Variants in RHOJ observed in about 807,000 individuals in gnomAD.
The protein encoded by RHOJ is rho-related GTP-binding protein RhoJ.
A neutral mutation model predicts 23.4 loss-of-function variants in RHOJ; 11 were observed. That is an observed-to-expected ratio of 0.47 (90% confidence interval 0.30 to 0.78). The LOEUF is 0.78. Among genes scored for constraint, RHOJ ranks in the 30% least tolerant of loss-of-function variants. The pLI is 0.08. For synonymous variants in RHOJ, 102 were observed against 102.7 expected (o/e 0.99, Z 0.04); for missense variants, 254 against 273.4 (o/e 0.93, Z 0.50).
chr14:63,249,307 G>A (rs1371198707), intron 1 of RHOJ, among the ~76,000 whole-genome samples: 2 of 152,142 alleles, frequency 1.3e-5, no homozygotes, highest in Non-Finnish European at 2.9e-5. Context: ...GCATAGTCTT[G>A]GGAATCTTCC....
chr14:63,252,432 C>G (rs1399532457), intron 1 of RHOJ, among the ~76,000 whole-genome samples: 1 of 152,188 alleles, frequency 6.6e-6, no homozygotes, highest in Admixed American at 6.5e-5. Context: ...GATTCAGTAT[C>G]CGGTATCATC....
Position 63,291,780 on chromosome 14 carries a change from C to T in RHOJ, c.*756C>T, listed in dbSNP as rs1256886838. 1 of 153,026 alleles carries T rather than the reference C, an allele frequency of 6.5e-6. No individual in the cohort carries two copies. The highest frequency in any genetic ancestry group is 1.5e-5 in the Non-Finnish European group (1 of 68,352). The allele number at this position is 153,026 out of a possible 1,614,324, so 9.5% of individuals were successfully genotyped here. ...TTGCCAAAGATACACTCTATAGATG[C>T]TTAGTAGTGGCCTGATTTTTTTCCA... On this transcript the variant is annotated 3_prime_UTR_variant, in exon 5 of 5. Coordinates refer to ENST00000316754, the MANE Select transcript of RHOJ (RefSeq NM_020663.5).
At chr14:63,237,318 A>G (rs1894807177) in intron 1 of RHOJ, among the ~76,000 whole-genome samples, 2 of 152,212 alleles carry the variant, frequency 1.3e-5, no homozygotes, top group South Asian at 4.1e-4. Context: ...CTGACAAAAT[A>G]TTAACCAGCT....
chr14:63,241,615 C>G (rs372851693), intron 1 of RHOJ, among the ~76,000 whole-genome samples: 2 of 152,110 alleles, frequency 1.3e-5, no homozygotes, highest in African/African-American at 4.8e-5. Context: ...ATCCAGTTAA[C>G]TTTGCAGAGC....
At chr14:63,261,301 A>G (rs1239046498) in intron 1 of RHOJ, among the ~76,000 whole-genome samples, 2 of 152,036 alleles carry the variant, frequency 1.3e-5, no homozygotes, top group African/African-American at 4.8e-5. Flanking sequence ...TTTGACCCTC[A>G]TATATTGTAA....
intron 3 of RHOJ, among the ~76,000 whole-genome samples, chr14:63,282,682 GAAA>G (rs199732507): frequency 2.7e-5 from 2 of 73,124 alleles, no homozygotes; most frequent in African/African-American, 3.8e-5. Context: ...TTGGAAAAGC[GAAA>G]AAAAAAAAAA....
intron 1 of RHOJ, among the ~76,000 whole-genome samples, chr14:63,258,506 A>G (rs540141736): frequency 7.6e-4 from 116 of 152,180 alleles, no homozygotes; most frequent in Non-Finnish European, 1.2e-4. Flanking sequence ...AAGAAAAAGT[A>G]TTAAATTATA....
intron 4 of RHOJ, 138 bp downstream of exon 4, chr14:63,283,354 C>A: frequency 2.8e-6 from 2 of 721,632 alleles, no homozygotes; most frequent in East Asian, 2.7e-5. Flanking sequence ...TTCTATTCTC[C>A]CCCTCTGTTC....
At chr14:63,290,261 T>C (rs1225917039) in intron 4 of RHOJ, among the ~76,000 whole-genome samples, 1 of 152,146 alleles carries the variant, frequency 6.6e-6, no homozygotes, top group African/African-American at 2.4e-5. Context: ...AAATAAAGTA[T>C]GTTAAAACTA....
At position 63,288,088 on chromosome 14, in the gene RHOJ, C is replaced by T. The variant is rs928522025; in HGVS notation, c.499-2790C>T. Reference sequence around the variant, plus strand: ...TTTCTCACACGTGTTTCCCAAATGACACCAATAATCTGATGACTACTTTTT... The same window carrying T: ...TTTCTCACACGTGTTTCCCAAATGATACCAATAATCTGATGACTACTTTTT... On this transcript the variant is annotated intron_variant, in intron 4 of 4. Coordinates refer to ENST00000316754, the MANE Select transcript of RHOJ (RefSeq NM_020663.5). 15 of 772,880 alleles carry T rather than the reference C, an allele frequency of 1.9e-5. No individual in the cohort carries two copies. In the African/African-American group the frequency reaches 2.6e-4, roughly 14 times the overall value. 47.9% of individuals were successfully genotyped at this position (772,880 alleles called of 1,614,324 possible). A position where few individuals can be genotyped will look rare whatever the true frequency, so the allele number is the denominator to read the frequency against.
chr14:63,277,178 A>G (rs771814428), intron 2 of RHOJ, among the ~76,000 whole-genome samples: 4 of 152,234 alleles, frequency 2.6e-5, no homozygotes, highest in Non-Finnish European at 5.9e-5. Flanking sequence ...ACTCTGTAAC[A>G]TTGGCCCATC....
chr14:63,226,984 C>T (rs1894606205), intron 1 of RHOJ, among the ~76,000 whole-genome samples: 1 of 152,018 alleles, frequency 6.6e-6, no homozygotes, highest in Non-Finnish European at 1.5e-5. Flanking sequence ...AGAGTTTCAT[C>T]CTTGTTGCCC....
intron 1 of RHOJ, among the ~76,000 whole-genome samples, chr14:63,262,273 A>T (rs568651776): frequency 6.6e-6 from 1 of 152,270 alleles, no homozygotes; most frequent in Admixed American, 6.5e-5. Flanking sequence ...TGAAATGCTA[A>T]GGGAAGTAGA....
chr14:63,291,077 C>T lies in RHOJ; in HGVS notation c.*53C>T. On this transcript the variant is annotated 3_prime_UTR_variant, in exon 5 of 5. Transcript: ENST00000316754. ...TCCAGGGATGAGAATGGCAGCCAAT[C>T]TCTGTGGCCAAGCTCCAGCCAAAAA... The T allele has an allele frequency of 6.2e-7, 1 of 1,603,558 alleles. No homozygotes were observed. Among genetic ancestry groups the T allele is most frequent in the Non-Finnish European group, 8.5e-7 (1 of 1,172,806 alleles).
chr14:63,282,745 A>G (rs1473148790), intron 3 of RHOJ, among the ~76,000 whole-genome samples: 1 of 152,052 alleles, frequency 6.6e-6, no homozygotes, highest in Non-Finnish European at 1.5e-5. Context: ...TGAGTAATAT[A>G]ATTTGGGATC....
At chr14:63,280,395 G>A (rs188673078) in intron 2 of RHOJ, among the ~76,000 whole-genome samples, 1 of 152,284 alleles carries the variant, frequency 6.6e-6, no homozygotes, top group East Asian at 1.9e-4. Context: ...GAAAGGAAAC[G>A]GGGAGGTTTT....
intron 2 of RHOJ, among the ~76,000 whole-genome samples, chr14:63,270,962 T>A (rs1425482068): frequency 1.3e-5 from 2 of 152,202 alleles, no homozygotes; most frequent in African/African-American, 4.8e-5. Context: ...TAAAACTCTT[T>A]AAAAGCTCTT....
At chr14:63,245,294 TAA>T (rs879627512) in intron 1 of RHOJ, among the ~76,000 whole-genome samples, 1 of 147,002 alleles carries the variant, frequency 6.8e-6, no homozygotes, top group Non-Finnish European at 1.5e-5. Flanking sequence ...CTTGCTTCAT[TAA>T]AAAAAAAAGG....
At position 63,246,625 on chromosome 14, in the gene RHOJ, CAT is replaced by C. The variant is rs756009478; in HGVS notation, c.179-22482_179-22481del. 3.9e-5 allele frequency among the ~76,000 whole-genome samples: 6 copies of C among 152,306 alleles called. No individual in the cohort carries two copies. The East Asian group carries it at 9.6e-4, about 24-fold the overall frequency. ...CATGCCATGAACATTAGCTATTATT[CAT>C]ATGATTCTCTCTCTCCTCCTATTTC... On this transcript the variant is annotated intron_variant, in intron 1 of 4. Coordinates refer to ENST00000316754, the MANE Select transcript of RHOJ (RefSeq NM_020663.5).
Sources: allele counts gnomAD v4.1 joint callset (sites outside exome capture counted in the v4.1 genomes callset), GRCh38; gene constraint gnomAD v4.1.1; transcripts MANE v1.5; gene names NCBI Gene and HGNC (gene_info 2026-07-23, HGNC 2026-07-21).